CAMKMT: variants seen among roughly 807,000 people sequenced by gnomAD.
CAMKMT encodes the protein calmodulin-lysine N-methyltransferase, also known as CaM KMT.
Under a neutral mutation model 48.0 loss-of-function variants are expected in CAMKMT, and 53 were observed. The observed-to-expected ratio is 1.10, with a 90% CI of 0.89 to 1.39. The LOEUF (loss-of-function observed/expected upper bound fraction) is 1.39. CAMKMT is among the 40% of genes most tolerant of loss of function. The probability of loss-of-function intolerance (pLI) is 0.00; values close to 1 mark genes in which losing one functional copy is unlikely to be tolerated. For missense variants in CAMKMT, 428 were observed against 402.7 expected (o/e 1.06, Z -0.54); for synonymous variants, 165 against 152.3 (o/e 1.08, Z -0.61).
At chr2:44,484,387 CAAAT>C (rs1291601182) in intron 3 of CAMKMT, among the ~76,000 whole-genome samples, 1 of 151,728 alleles carries the variant, frequency 6.6e-6, no homozygotes, top group Non-Finnish European at 1.5e-5. Flanking sequence ...TGATGAAAGT[CAAAT>C]AAAATGATAA....
chr2:44,618,094 A>G lies in CAMKMT; in HGVS notation c.377-86189A>G, dbSNP rs146964601. ...GATTTTAATGGATGAATTTTCATTT[A>G]AAAGTAAAAAATGATGTTCTCTGCT... On this transcript the variant is annotated intron_variant, in intron 3 of 10. Transcript: ENST00000378494. This position sits in a 1 kb window ranked among gnomAD's most constrained non-coding sequence, Gnocchi z 4.0. Among the ~76,000 whole-genome samples the G allele has an allele frequency of 1.4e-3, 209 of 152,314 alleles. 2 individuals are homozygous for G. The highest frequency in any genetic ancestry group is 4.6e-3 in the African/African-American group (190 of 41,562).
At chr2:44,400,680 A>G (rs1021565386) in intron 3 of CAMKMT, 1 of 151,970 alleles carries the variant, frequency 6.6e-6, no homozygotes, top group Non-Finnish European at 1.5e-5. Flanking sequence ...TTTTTCCCAT[A>G]CCATCCATGA....
intron 3 of CAMKMT, among the ~76,000 whole-genome samples, chr2:44,577,681 G>A (rs1456526919): frequency 4.3e-5 from 1 of 23,048 alleles, no homozygotes; most frequent in African/African-American, 1.4e-4. Flanking sequence ...GAGGGAGACA[G>A]AGAGGGAGAG....
At chr2:44,669,165 A>G (rs1205469182) in intron 3 of CAMKMT, among the ~76,000 whole-genome samples, 1 of 152,024 alleles carries the variant, frequency 6.6e-6, no homozygotes, top group Non-Finnish European at 1.5e-5. Flanking sequence ...TTTGTTTTGC[A>G]TGTTTTGGAC....
intron 6 of CAMKMT, among the ~76,000 whole-genome samples, chr2:44,708,337 A>G (rs1677680838): frequency 6.9e-6 from 1 of 145,150 alleles, no homozygotes; most frequent in South Asian, 2.1e-4. Context: ...CATCTTACAT[A>G]CAATCTATTT....
chr2:44,674,433 C>G (rs1675550091), intron 3 of CAMKMT, among the ~76,000 whole-genome samples: 2 of 152,310 alleles, frequency 1.3e-5, no homozygotes, highest in South Asian at 4.1e-4. Flanking sequence ...TGGCACATAG[C>G]TGGGGTTCGA....
intron 7 of CAMKMT, among the ~76,000 whole-genome samples, chr2:44,726,293 T>C (rs180676597): frequency 2.4e-4 from 37 of 152,324 alleles, no homozygotes; most frequent in African/African-American, 8.4e-4. Flanking sequence ...CAGCATCTAT[T>C]GTATCTTGAC....
intron 3 of CAMKMT, among the ~76,000 whole-genome samples, chr2:44,669,527 A>G (rs1320056379): frequency 6.6e-6 from 1 of 152,222 alleles, no homozygotes; most frequent in Non-Finnish European, 1.5e-5. Context: ...TAATATAAGC[A>G]CTGGATGAAA....
At chr2:44,672,352 A>C (rs960068461) in intron 3 of CAMKMT, among the ~76,000 whole-genome samples, 10 of 152,164 alleles carry the variant, frequency 6.6e-5, no homozygotes, top group African/African-American at 2.4e-4. Flanking sequence ...GCTTTTTACA[A>C]TTTCAATTTG....
chr2:44,429,876 A>T (rs1684538676), intron 3 of CAMKMT, among the ~76,000 whole-genome samples: 1 of 151,564 alleles, frequency 6.6e-6, no homozygotes, highest in Non-Finnish European at 1.5e-5. Context: ...ATTTACCCAT[A>T]ATTATGTAGG....
chr2:44,367,113 G>C (rs1250227424), intron 1 of CAMKMT, among the ~76,000 whole-genome samples: 1 of 152,168 alleles, frequency 6.6e-6, no homozygotes, highest in African/African-American at 2.4e-5. Context: ...CCTGAGCATA[G>C]ATTCATATAT....
intron 3 of CAMKMT, among the ~76,000 whole-genome samples, chr2:44,678,715 T>C (rs1675857631): frequency 6.6e-6 from 1 of 152,178 alleles, no homozygotes; most frequent in African/African-American, 2.4e-5. Context: ...AGACTGTAAT[T>C]GTGAATGTTT....
At chr2:44,754,306 C>G (rs1426273894) in intron 9 of CAMKMT, among the ~76,000 whole-genome samples, 188 bp downstream of exon 9, 3 of 152,174 alleles carry the variant, frequency 2.0e-5, no homozygotes. Context: ...ACTTCTTACC[C>G]TTGGCCTTCT....
At chr2:44,378,337 C>T (rs1679902793) in intron 2 of CAMKMT, among the ~76,000 whole-genome samples, 1 of 152,142 alleles carries the variant, frequency 6.6e-6, no homozygotes. Flanking sequence ...TTCCAAATCC[C>T]AATATAGTAC....
intron 3 of CAMKMT, among the ~76,000 whole-genome samples, chr2:44,546,323 A>G (rs1221278348): frequency 6.6e-6 from 1 of 152,124 alleles, no homozygotes; most frequent in African/African-American, 2.4e-5. Flanking sequence ...TCCAACTTTT[A>G]GCATTTTCTT....
At chr2:44,553,052 A>G (rs181000090) in intron 3 of CAMKMT, among the ~76,000 whole-genome samples, 2 of 152,354 alleles carry the variant, frequency 1.3e-5, no homozygotes, top group African/African-American at 4.8e-5. Flanking sequence ...CCCTTGTCAC[A>G]GAAATTAAGT....
intron 3 of CAMKMT, among the ~76,000 whole-genome samples, chr2:44,398,557 CTTTTCTTTTCTTTTTTT>C (rs1217643096): frequency 8.6e-6 from 1 of 115,678 alleles, no homozygotes; most frequent in Admixed American, 9.6e-5. Context: ...TTTCTTTTTT[CTTTTCTTTTCTTTTTTT>C]TTTTTTTTGA....
chr2:44,665,014 G>C (rs926820771), intron 3 of CAMKMT, among the ~76,000 whole-genome samples: 1 of 152,132 alleles, frequency 6.6e-6, no homozygotes, highest in Non-Finnish European at 1.5e-5. Context: ...TCTAGTATGG[G>C]ACTTAAACAT....
chr2:44,530,051 A>G (rs962310423), intron 3 of CAMKMT, among the ~76,000 whole-genome samples: 4 of 152,174 alleles, frequency 2.6e-5, no homozygotes, highest in African/African-American at 9.7e-5. Flanking sequence ...CAGTTAGAGA[A>G]ATGGATTTCA....
Sources: gnomAD v4.1 joint callset for allele counts (sites outside exome capture counted in the v4.1 genomes callset) on GRCh38, gnomAD v4.1.1 for gene constraint, Gnocchi (gnomAD v3.1) non-coding constraint, MANE v1.5 for transcripts, NCBI Gene and HGNC (gene_info 2026-07-23, HGNC 2026-07-21) for gene names.